Variants in PRSS12 observed in about 807,000 individuals in gnomAD.
PRSS12 encodes serine protease 12.
A neutral mutation model predicts 104.4 loss-of-function variants in PRSS12; 85 were observed. That is an observed-to-expected ratio of 0.81 (90% CI 0.68 to 0.98). The LOEUF is 0.98. PRSS12 is among the 50% of genes least tolerant of loss of function. PRSS12 has a pLI of 0.00. For missense variants in PRSS12, 1,141 were observed against 1,139.2 expected, an observed-to-expected ratio of 1.00 and a Z score of -0.02; for synonymous variants, 454 against 425.2, an observed-to-expected ratio of 1.07 and a Z score of -0.83.
chr4:118,335,416 G>C (rs1178144530), intron 3 of PRSS12, 57 bp downstream of exon 3: 11 of 1,577,394 alleles, frequency 7.0e-6, no homozygotes, highest in Non-Finnish European at 7.8e-6. Flanking sequence ...TCATCATCTG[G>C]AATCACGTTT....
Position 118,352,257 on chromosome 4 carries a change from C to A in PRSS12, c.464G>T (p.Arg155Leu). Residue 155 changes from arginine (R) to leucine (L), a missense_variant, in exon 1 of 13, where the codon CGT becomes CTT. Transcript: ENST00000296498. The stretch of plus-strand genomic sequence containing the variant: ...GCAGTAGCCCCAGTCCACCTTGCCA[C>A]GGGCGTCTCCGTAGAAACACCAGGG... ...GRPWCFYGDARGKVDWGYCDC... is the reference protein window; with the variant it reads ...GRPWCFYGDALGKVDWGYCDC... The A allele has an allele frequency of 1.9e-6, 3 of 1,611,568 alleles. No individual in the cohort carries two copies. The highest frequency in any genetic ancestry group is 2.5e-6 in the Non-Finnish European group (3 of 1,179,660).
At chr4:118,295,214 T>C (rs1301744129) in intron 10 of PRSS12, among the ~76,000 whole-genome samples, 153 bp from the exon 11 acceptor site, 3 of 152,160 alleles carry the variant, frequency 2.0e-5, no homozygotes, top group Non-Finnish European at 4.4e-5. Context: ...CTTCCTACTT[T>C]GAGAAGGAGA....
intron 7 of PRSS12, among the ~76,000 whole-genome samples, chr4:118,312,097 G>GT (rs1424954963): frequency 2.0e-4 from 30 of 152,144 alleles, no homozygotes; most frequent in African/African-American, 6.8e-4. Flanking sequence ...ATAAAAACAT[G>GT]TATTTCAACT....
chr4:118,313,553 T>C (rs1460898295), intron 6 of PRSS12, among the ~76,000 whole-genome samples, 156 bp from the exon 7 acceptor site: 1 of 152,206 alleles, frequency 6.6e-6, no homozygotes, highest in Non-Finnish European at 1.5e-5. Flanking sequence ...TAGAGCTATG[T>C]TCGCCCAGCC....
intron 1 of PRSS12, among the ~76,000 whole-genome samples, chr4:118,351,781 G>C (rs1339436521): frequency 6.6e-6 from 1 of 152,138 alleles, no homozygotes; most frequent in Non-Finnish European, 1.5e-5. Context: ...TGGAGGGAAG[G>C]TTATTGATTG....
chr4:118,335,542 T>C lies in PRSS12; in HGVS notation c.751A>G (p.Lys251Glu). ...CACACCCCACCCTGCCAGATGTCTT[T>C]TTCACAAAGCAGTATATTTTCTTCA... ...GDEENILLCE[K>E]DIWQGGVCPQ... Residue 251 changes from lysine to glutamate, a missense_variant, in exon 3 of 13, where the codon AAA (lysine) becomes GAA (glutamate). Physicochemically the swap from Lys to Glu is moderately conservative, Grantham distance 56. Transcript: ENST00000296498. The C allele has an allele frequency of 6.2e-7, 1 of 1,614,080 alleles. No homozygotes were observed. The highest frequency in any genetic ancestry group is 1.1e-5 in the South Asian group (1 of 91,084).
intron 8 of PRSS12, among the ~76,000 whole-genome samples, chr4:118,302,670 G>A (rs1031487491): frequency 3.9e-5 from 6 of 152,134 alleles, no homozygotes. Context: ...CGAGAGATCT[G>A]CCCGCCGCGG....
intron 8 of PRSS12, chr4:118,305,845 T>C (rs1375760821): frequency 6.6e-6 from 1 of 152,170 alleles, no homozygotes; most frequent in Admixed American, 6.5e-5. Context: ...CACCATTCTA[T>C]TTCTGCTTCC....
intron 3 of PRSS12, among the ~76,000 whole-genome samples, chr4:118,333,063 G>GT (rs986924181): frequency 6.6e-6 from 1 of 152,096 alleles, no homozygotes; most frequent in Admixed American, 6.6e-5. Context: ...TGAAAAAGCT[G>GT]TTTTTTTAAG....
At chr4:118,352,183 G>T (rs746232978) in intron 1 of PRSS12, 36 bp downstream of exon 1, 1 of 1,608,558 alleles carries the variant, frequency 6.2e-7, no homozygotes. Flanking sequence ...CTCCGAGCCC[G>T]TCCGGAGTTT....
intron 11 of PRSS12, among the ~76,000 whole-genome samples, chr4:118,285,764 A>C (rs1742999695): frequency 6.6e-6 from 1 of 152,112 alleles, no homozygotes; most frequent in Non-Finnish European, 1.5e-5. Context: ...TAGATACACT[A>C]TGTTAAATAT....
At position 118,280,469 on chromosome 4, in the gene PRSS12, C is replaced by T. The variant is rs1162309310; in HGVS notation, c.*1467G>A. 1 of 152,210 alleles carries T rather than the reference C, an allele frequency of 6.6e-6. No individual in the cohort carries two copies. The highest frequency in any genetic ancestry group is 1.5e-5 in the Non-Finnish European group (1 of 68,038). The allele number at this position is 152,210 out of a possible 1,614,324, so 9.4% of individuals were successfully genotyped here. ...TCTGCAAAGTAGTAAAACTATAAAG[C>T]ACCTTTAGGTTTGCACCAGTTATTA... is the stretch of plus-strand genomic sequence containing the variant. On this transcript the variant is annotated 3_prime_UTR_variant, in exon 13 of 13. Coordinates refer to ENST00000296498, the MANE Select transcript of PRSS12 (RefSeq NM_003619.4).
At chr4:118,284,336 T>C (rs1742966922) in intron 11 of PRSS12, among the ~76,000 whole-genome samples, 1 of 152,194 alleles carries the variant, frequency 6.6e-6, no homozygotes, top group Admixed American at 6.5e-5. Flanking sequence ...CTAGAATGCA[T>C]GACACAACCC....
Position 118,313,084 on chromosome 4 carries a change from T to C in PRSS12, c.1489+117A>G, listed in dbSNP as rs543571658. ...AAAATTACTGAAAATTAGACAGTTA[T>C]GGGAAATAGACCCCAAAAAAAGCCA... On this transcript the variant is annotated intron_variant, in intron 7 of 12. Coordinates refer to ENST00000296498, the MANE Select transcript of PRSS12 (RefSeq NM_003619.4). 238 of 1,141,106 alleles carry C rather than the reference T, an allele frequency of 2.1e-4. No homozygotes were observed. In the East Asian group the frequency reaches 5.7e-3, roughly 27 times the overall value. The allele number at this position is 1,141,106 out of a possible 1,614,324, so 70.7% of individuals were successfully genotyped here.
Position 118,282,001 on chromosome 4 carries a change from A to G in PRSS12, c.2563T>C (p.Ser855Pro), listed in dbSNP as rs957912978. The G allele has an allele frequency of 6.3e-7, 1 of 1,589,316 alleles. No individual in the cohort carries two copies. The highest frequency in any genetic ancestry group is 1.3e-5 in the African/African-American group (1 of 74,402). ...SWGYGCGVKD[S>P]PGVYTKVSAF... is the part of the protein sequence containing the mutation. ...GAGACTTTGGTATAAACACCAGGAGAATCCTTGACTCCACAGCCATACCCC... is the reference window on the plus strand; with the variant it reads ...GAGACTTTGGTATAAACACCAGGAGGATCCTTGACTCCACAGCCATACCCC... Residue 855 changes from serine (S) to proline (P), a missense_variant, in exon 13 of 13, where the codon TCT (serine) becomes CCT (proline). Transcript: ENST00000296498.
chr4:118,296,619 T>C (rs962918534), intron 9 of PRSS12, among the ~76,000 whole-genome samples: 3 of 152,194 alleles, frequency 2.0e-5, no homozygotes, highest in African/African-American at 7.2e-5. Flanking sequence ...AGATATGTAC[T>C]GTTTTTCTAT....
intron 8 of PRSS12, among the ~76,000 whole-genome samples, chr4:118,300,603 G>C (rs773501617): frequency 6.6e-6 from 1 of 152,016 alleles, no homozygotes; most frequent in Non-Finnish European, 1.5e-5. Flanking sequence ...GAAATCTCAA[G>C]TTAGGGAAAA....
rs1374168992 is a variant in PRSS12 at position 118,281,336 on chromosome 4, A to G, written c.*600T>C. 1 of 155,712 alleles carries G rather than the reference A, an allele frequency of 6.4e-6. No individual in the cohort carries two copies. Among genetic ancestry groups the G allele is most frequent in the African/African-American group, 2.4e-5 (1 of 41,474 alleles). The allele number at this position is 155,712 out of a possible 1,614,324, so 9.6% of individuals were successfully genotyped here. A position where few individuals can be genotyped will look rare whatever the true frequency, so the allele number is the denominator to read the frequency against. On this transcript the variant is annotated 3_prime_UTR_variant, in exon 13 of 13. Transcript: ENST00000296498. ...TACTCAACAAGGATACTTGTTTCCA[A>G]ATATCAGATCACTTTGAGAATATAT...
intron 11 of PRSS12, among the ~76,000 whole-genome samples, chr4:118,293,769 C>T (rs1406821923): frequency 1.4e-5 from 2 of 139,770 alleles, no homozygotes; most frequent in African/African-American, 2.5e-5. Flanking sequence ...CAGGAACTTA[C>T]ACATTGCTGG....
Sources: allele counts gnomAD v4.1 joint callset (sites outside exome capture counted in the v4.1 genomes callset), GRCh38; gene constraint gnomAD v4.1.1; transcripts MANE v1.5; gene names NCBI Gene and HGNC (gene_info 2026-07-23, HGNC 2026-07-21).